The following FBRS variants were observed in gnomAD, a reference collection of about 807,000 sequenced individuals.
The protein encoded by FBRS is fibrosin, also known as probable fibrosin-1.
Under a neutral mutation model 86.1 loss-of-function variants are expected in FBRS, and 15 were observed. The observed-to-expected ratio is 0.17, with a 90% CI of 0.12 to 0.27. The LOEUF is 0.27. Among genes scored for constraint, FBRS ranks in the 10% least tolerant of loss-of-function variants. The pLI, the probability that FBRS is intolerant of heterozygous loss-of-function variation, is 1.00. For synonymous variants in FBRS, 666 were observed against 575.8 expected (o/e 1.16, Z -2.24); for missense variants, 1,367 against 1,301.6 (o/e 1.05, Z -0.77).
Position 30,668,539 on chromosome 16 carries a change from C to T in FBRS, c.2075-21C>T, listed in dbSNP as rs2052548393. On this transcript the variant is annotated intron_variant, in intron 15 of 17. Coordinates refer to ENST00000356166, the MANE Select transcript of FBRS (RefSeq NM_001105079.3). ...AGCACCGGCTGCCCAGTGCTCTGAC[C>T]ACCCCCCTTTCCTCCCACAGATCCC... 9 of 1,603,652 alleles carry T rather than the reference C, an allele frequency of 5.6e-6. No homozygotes were observed. In the East Asian group the frequency reaches 6.7e-5, roughly 12 times the overall value.
rs1183307510 is a variant in FBRS, at chr16:30,670,681, C to T, written c.*1036C>T. ...GCCTTCCCAAAGCAGCAGGCGCCTC[C>T]AGGCTGGGGCCCAACCTAGAAGGCA... On this transcript the variant is annotated 3_prime_UTR_variant, in exon 18 of 18. Coordinates refer to ENST00000356166, the MANE Select transcript of FBRS (RefSeq NM_001105079.3). The T allele has an allele frequency of 6.4e-6, 1 of 156,944 alleles. No individual in the cohort carries two copies. Among genetic ancestry groups the T allele is most frequent in the African/African-American group, 2.4e-5 (1 of 41,478 alleles). 9.7% of individuals were successfully genotyped at this position (156,944 alleles called of 1,614,324 possible). A position where few individuals can be genotyped will look rare whatever the true frequency, so the allele number is the denominator to read the frequency against.
chr16:30,661,151 C>G, intron 2 of FBRS, 29 bp from the exon 3 acceptor site: 1 of 1,550,294 alleles, frequency 6.5e-7, no homozygotes, highest in Admixed American at 2.0e-5. Flanking sequence ...CAGCCGCCTC[C>G]CTCACCTCTG....
At chr16:30,661,272 C>T in intron 3 of FBRS, 32 bp from the exon 4 acceptor site, 1 of 1,550,842 alleles carries the variant, frequency 6.4e-7, no homozygotes, top group African/African-American at 1.4e-5. Context: ...CCTCTTCCCT[C>T]TCGTGACACC....
rs111835702 is a variant in FBRS, at chr16:30,668,850, G to T, written c.2237G>T (p.Arg746Leu). Residue 746 changes from arginine to leucine, a missense_variant, in exon 17 of 18, where the codon CGC (arginine) becomes CTC (leucine). By Grantham distance (102) the Arg-to-Leu change is moderately radical (BLOSUM62 -2). Around this residue, in one of 3 missense-constraint regions of FBRS, gnomAD observed 659 missense variants for 678.8 expected, o/e 0.97. Coordinates refer to ENST00000356166, the MANE Select transcript of FBRS (RefSeq NM_001105079.3). ...GCCTCCCCACCGGACCCATGGGGCC[G>T]CCTGCACCGCAGTCCTCTGACCTTT... Reference protein sequence around the residue: ...AFASPPDPWGRLHRSPLTFPA... With the variant: ...AFASPPDPWGLLHRSPLTFPA... The T allele has an allele frequency of 6.3e-7, 1 of 1,591,380 alleles. No individual in the cohort carries two copies.
At chr16:30,663,303 C>G (rs763613503) in intron 6 of FBRS, among the ~76,000 whole-genome samples, 1 of 152,156 alleles carries the variant, frequency 6.6e-6, no homozygotes, top group Non-Finnish European at 1.5e-5. Flanking sequence ...ATAGTACTTT[C>G]ATCTTAAAGC....
At position 30,666,948 on chromosome 16, in the gene FBRS, G is replaced by T; in HGVS notation, c.1833G>T (p.Val611=). 6.2e-7 allele frequency: 1 copy of T among 1,612,814 alleles called. No homozygotes were observed. Among genetic ancestry groups the T allele is most frequent in the South Asian group, 1.1e-5 (1 of 90,634 alleles). ...CAGGGAAGTGGTGTGCCATGCACGT[G>T]CGTGTGGCTTACATGATCCTGAGAC... ...RKPGKWCAMH[V]RVAYMILRHQ... The change falls in exon 13 of 18, where the codon GTG becomes GTT. Residue 611 remains valine, a synonymous_variant. Coordinates refer to ENST00000356166, the MANE Select transcript of FBRS (RefSeq NM_001105079.3).
intron 8 of FBRS, 50 bp downstream of exon 8, chr16:30,664,970 G>T (rs773469366): frequency 5.0e-6 from 8 of 1,608,976 alleles, no homozygotes; most frequent in Admixed American, 1.7e-5. Flanking sequence ...TCTGGGGAGG[G>T]CATGGCTTCT....
At chr16:30,662,281 T>C (rs2052471145) in intron 4 of FBRS, 139 bp from the exon 5 acceptor site, 5 of 1,332,724 alleles carry the variant, frequency 3.8e-6, no homozygotes, top group Non-Finnish European at 5.1e-6. Context: ...GCCCAGTCTT[T>C]GATGGATCTC....
chr16:30,669,628 G>A lies in FBRS; in HGVS notation c.2926G>A (p.Ala976Thr), dbSNP rs2052572992. Residue 976 changes from alanine (A) to threonine (T), a missense_variant, in exon 18 of 18, where the codon GCT becomes ACT. Coordinates refer to ENST00000356166, the MANE Select transcript of FBRS (RefSeq NM_001105079.3). This position sits in a 1 kb window ranked among gnomAD's most constrained non-coding sequence, Gnocchi z 5.9. ...TTCCCCACCTAGGGGCCCTGGCCCA[G>A]CTCGGGCTGACAGGTGAGGGGAACG... ...PSSPPRGPGP[A>T]RADR is the part of the protein sequence containing the mutation. The A allele has an allele frequency of 6.2e-7, 1 of 1,601,264 alleles. No individual in the cohort carries two copies. The highest frequency in any genetic ancestry group is 1.3e-5 in the African/African-American group (1 of 74,696).
In FBRS at chr16:30,662,552, C is replaced by T; in HGVS notation, c.755-7C>T. ...CAACTGAGCATGTCTGCCATCCTGC[C>T]CCACAGCCTCGGGCCCCCACGGCGC... On this transcript the variant is annotated splice_region_variant and splice_polypyrimidine_tract_variant and intron_variant, in intron 5 of 17. Transcript: ENST00000356166. 5.8e-6 allele frequency: 9 copies of T among 1,546,082 alleles called. No homozygotes were observed. The highest frequency in any genetic ancestry group is 7.9e-6 in the Non-Finnish European group (9 of 1,143,678).
In FBRS at chr16:30,661,198, C is replaced by T. The variant is rs1025187917; in HGVS notation, c.658C>T (p.Leu220=). The T allele has an allele frequency of 5.8e-6, 9 of 1,550,588 alleles. No individual in the cohort carries two copies. The highest frequency in any genetic ancestry group is 1.2e-5 in the South Asian group (1 of 84,070). Reference sequence around the variant, plus strand: ...TCCTCAGGCGTCCTCCCGTCACTCTCTGGAAGCTGGATACATAGTAAGTGC... The same window carrying T: ...TCCTCAGGCGTCCTCCCGTCACTCTTTGGAAGCTGGATACATAGTAAGTGC... ...RRKEASSRHS[L]EAGYICDAES... Residue 220 remains leucine (L), a synonymous_variant, in exon 3 of 18, where the codon CTG becomes TTG. Transcript: ENST00000356166.
Position 30,662,455 on chromosome 16 carries a change from C to G in FBRS, c.741C>G (p.Val247=). Residue 247 remains valine, a synonymous_variant, in exon 5 of 18, where the codon GTC becomes GTG. Coordinates refer to ENST00000356166, the MANE Select transcript of FBRS (RefSeq NM_001105079.3). ...SDDDLDPSFT[V]STSKASGPHG... ...ATGACCTCGACCCATCCTTTACTGTCTCAACCAGCAAAGGTTGGTCCCAAG... is the reference window on the plus strand; with the variant it reads ...ATGACCTCGACCCATCCTTTACTGTGTCAACCAGCAAAGGTTGGTCCCAAG... 1 of 1,550,654 alleles carries G rather than the reference C, an allele frequency of 6.4e-7. No homozygotes were observed. Among genetic ancestry groups the G allele is most frequent in the Non-Finnish European group, 8.7e-7 (1 of 1,147,006 alleles).
In FBRS at chr16:30,667,368, C is replaced by G. The variant is rs2052535606; in HGVS notation, c.1924C>G (p.Pro642Ala). Residue 642 changes from proline to alanine, a missense_variant, in exon 14 of 18, where the codon CCG (proline) becomes GCG (alanine). Physicochemically the swap from Pro to Ala is conservative, Grantham distance 27. Transcript: ENST00000356166. ...DFRNDLLPCLPGPYGALPPGQ... is the reference protein window; with the variant it reads ...DFRNDLLPCLAGPYGALPPGQ... ...TCGGAATGACCTCCTGCCCTGCCTT[C>G]CGGGGCCCTATGGGGCCCTGCCCCC... 1 of 1,553,914 alleles carries G rather than the reference C, an allele frequency of 6.4e-7. No individual in the cohort carries two copies. Among genetic ancestry groups the G allele is most frequent in the Non-Finnish European group, 8.7e-7 (1 of 1,148,330 alleles).
Position 30,659,836 on chromosome 16 carries a change from G to C in FBRS, c.318G>C (p.Gly106=), listed in dbSNP as rs562926125. ...GGCCTGCCGGCTCGGGCAGCCGCGG[G>C]GAGGAAGAGGAGGAGGAGGAGGAGG... ...RKRPAGSGSR[G]EEEEEEEEEG... is the part of the protein sequence containing the mutation. The change falls in exon 1 of 18, where the codon GGG becomes GGC. Residue 106 remains glycine, a synonymous_variant. Coordinates refer to ENST00000356166, the MANE Select transcript of FBRS (RefSeq NM_001105079.3). 11 of 1,527,976 alleles carry C rather than the reference G, an allele frequency of 7.2e-6. No homozygotes were observed. The highest frequency in any genetic ancestry group is 9.6e-6 in the Non-Finnish European group (11 of 1,141,068). 94.7% of individuals were successfully genotyped at this position (1,527,976 alleles called of 1,614,324 possible). A position where few individuals can be genotyped will look rare whatever the true frequency, so the allele number is the denominator to read the frequency against.
chr16:30,664,681 C>T, intron 7 of FBRS, 34 bp from the exon 8 acceptor site: 1 of 1,472,524 alleles, frequency 6.8e-7, no homozygotes. Context: ...GATGTGGCGA[C>T]AGCATTAAAG....
Position 30,665,502 on chromosome 16 carries a change from C to T in FBRS, c.1704+101C>T, listed in dbSNP as rs542092325. 10 of 1,410,040 alleles carry T rather than the reference C, an allele frequency of 7.1e-6. No individual in the cohort carries two copies. The highest frequency in any genetic ancestry group is 1.2e-5 in the South Asian group (1 of 81,352). The allele number at this position is 1,410,040 out of a possible 1,614,324, so 87.3% of individuals were successfully genotyped here. On this transcript the variant is annotated intron_variant, in intron 10 of 17. Transcript: ENST00000356166. The surrounding 1 kb of genome is among the most constrained non-coding windows in gnomAD (Gnocchi z 4.1). ...TCCCATTCCCCAAAGTCGTGCCCAT[C>T]CTCCTGCCCTGCCCTGCTGCACCCA...
chr16:30,669,657 G>T lies in FBRS; in HGVS notation c.*12G>T, dbSNP rs775983237. 1.2e-4 allele frequency: 184 copies of T among 1,579,966 alleles called. No homozygotes were observed. The highest frequency in any genetic ancestry group is 6.4e-4 in the South Asian group (57 of 89,162). On this transcript the variant is annotated 3_prime_UTR_variant, in exon 18 of 18. Transcript: ENST00000356166. The surrounding 1 kb of genome is among the most constrained non-coding windows in gnomAD (Gnocchi z 5.9). ...GGGCTGACAGGTGAGGGGAACGGGG[G>T]GGGGTCGGGGCAAAGCTCCATCTCC...
chr16:30,668,544 C>A lies in FBRS; in HGVS notation c.2075-16C>A, dbSNP rs1309508286. On this transcript the variant is annotated splice_polypyrimidine_tract_variant and intron_variant, in intron 15 of 17. Transcript: ENST00000356166. Reference sequence around the variant, plus strand: ...CGGCTGCCCAGTGCTCTGACCACCCCCCTTTCCTCCCACAGATCCCTTTGG... The same window carrying A: ...CGGCTGCCCAGTGCTCTGACCACCCACCTTTCCTCCCACAGATCCCTTTGG... The A allele has an allele frequency of 6.8e-6, 11 of 1,606,092 alleles. No homozygotes were observed. The highest frequency in any genetic ancestry group is 1.7e-6 in the Non-Finnish European group (2 of 1,174,684).
In FBRS at chr16:30,665,890, C is replaced by A; in HGVS notation, c.1773+184C>A. On this transcript the variant is annotated intron_variant, in intron 11 of 17. Transcript: ENST00000356166. The surrounding 1 kb of genome is among the most constrained non-coding windows in gnomAD (Gnocchi z 4.1). ...TCCCAGGCATGAGGAATGAGAGTTTCATGAGCTTGTCCCAGAAATAGGATG... is the reference window on the plus strand; with the variant it reads ...TCCCAGGCATGAGGAATGAGAGTTTAATGAGCTTGTCCCAGAAATAGGATG... 5.2e-6 allele frequency: 3 copies of A among 577,596 alleles called. No individual in the cohort carries two copies. Among genetic ancestry groups the A allele is most frequent in the Non-Finnish European group, 9.1e-6 (3 of 327,872 alleles). 35.8% of individuals were successfully genotyped at this position (577,596 alleles called of 1,614,324 possible).
Sources: gnomAD v4.1 joint callset for allele counts (sites outside exome capture counted in the v4.1 genomes callset) on GRCh38, gnomAD v4.1.1 for gene constraint, gnomAD v4.1.1 regional missense constraint, Gnocchi (gnomAD v3.1) non-coding constraint, MANE v1.5 for transcripts, NCBI Gene and HGNC (gene_info 2026-07-23, HGNC 2026-07-21) for gene names.